Variants in ACTA2 observed in about 807,000 individuals in gnomAD.
The protein encoded by ACTA2 is actin, aortic smooth muscle.
A neutral mutation model predicts 39.5 loss-of-function variants in ACTA2; 12 were observed. That is an observed-to-expected ratio of 0.30 (90% CI 0.19 to 0.49). The LOEUF (loss-of-function observed/expected upper bound fraction) is 0.49. ACTA2 is among the 20% of genes least tolerant of loss of function. ACTA2 has a pLI of 0.99. For synonymous variants in ACTA2, 158 were observed against 180.6 expected, an observed-to-expected ratio of 0.88 and a Z score of 1.00; for missense variants, 236 against 498.8, an observed-to-expected ratio of 0.47 and a Z score of 5.02.
intron 6 of ACTA2, chr10:88,939,907 G>A (rs1024419609): frequency 6.0e-5 from 36 of 600,050 alleles, no homozygotes; most frequent in Middle Eastern, 4.4e-4. Context: ...CTCATGCATA[G>A]TAGGCCCTCA....
chr10:88,982,692 ATTTATGTAGT>A (rs1846741108), intron 1 of ACTA2, among the ~76,000 whole-genome samples: 2 of 152,170 alleles, frequency 1.3e-5, no homozygotes, highest in Non-Finnish European at 2.9e-5. Context: ...AGGAAAATGT[ATTTATGTAGT>A]CAAGTAAGAC....
At chr10:88,972,581 C>T (rs923019593) in intron 1 of ACTA2, among the ~76,000 whole-genome samples, 32 of 151,248 alleles carry the variant, frequency 2.1e-4, no homozygotes, top group African/African-American at 7.8e-4. Flanking sequence ...TGTAATTTAT[C>T]TATTAGCTTT....
Position 88,990,958 on chromosome 10 carries a change from T to A in ACTA2, c.-43A>T. ...GCTTACCCCGTCTTAGTCCCGGGGA[T>A]AGGCAAAGTGGGGCGGGCGCGGGAC... On this transcript the variant is annotated 5_prime_UTR_variant, in exon 1 of 5. Transcript: ENST00000415557. The surrounding 1 kb of genome is among the most constrained non-coding windows in gnomAD (Gnocchi z 4.9). 1 of 1,612,964 alleles carries A rather than the reference T, an allele frequency of 6.2e-7. No individual in the cohort carries two copies. The highest frequency in any genetic ancestry group is 8.5e-7 in the Non-Finnish European group (1 of 1,179,020).
chr10:88,971,387 T>C (rs968222681), intron 1 of ACTA2, among the ~76,000 whole-genome samples: 8 of 152,228 alleles, frequency 5.3e-5, no homozygotes, highest in African/African-American at 1.9e-4. Context: ...AGGGTGCCAA[T>C]GGCATGGAGC....
At chr10:88,972,824 C>T (rs1846479576) in intron 1 of ACTA2, among the ~76,000 whole-genome samples, 2 of 152,104 alleles carry the variant, frequency 1.3e-5, no homozygotes, top group African/African-American at 2.4e-5. Flanking sequence ...CAAAGTGAGA[C>T]CCCATTTATC....
At chr10:88,967,958 G>A (rs1846350018) in intron 1 of ACTA2, among the ~76,000 whole-genome samples, 1 of 151,980 alleles carries the variant, frequency 6.6e-6, no homozygotes, top group Admixed American at 6.6e-5. Context: ...TCAAGTTTAT[G>A]GCTTATCCAG....
At chr10:88,941,719 A>G in intron 5 of ACTA2, 66 bp downstream of exon 5, 1 of 1,426,726 alleles carries the variant, frequency 7.0e-7, no homozygotes, top group South Asian at 1.2e-5. Flanking sequence ...CCACGTGTTA[A>G]CGACCATTCA....
chr10:88,979,267 A>G (rs941192264), intron 1 of ACTA2, among the ~76,000 whole-genome samples: 4 of 142,596 alleles, frequency 2.8e-5, no homozygotes, highest in African/African-American at 1.0e-4. Flanking sequence ...AAAAAAGCAG[A>G]AAAAAAAAAA....
chr10:88,942,779 C>T (rs1283024588), intron 4 of ACTA2, among the ~76,000 whole-genome samples: 1 of 151,376 alleles, frequency 6.6e-6, no homozygotes, highest in Non-Finnish European at 1.5e-5. Flanking sequence ...CTGACAGGAA[C>T]AATAATTCAT....
At chr10:88,977,631 A>C (rs1206980416) in intron 1 of ACTA2, among the ~76,000 whole-genome samples, 2 of 151,852 alleles carry the variant, frequency 1.3e-5, no homozygotes, top group Admixed American at 1.3e-4. Context: ...TTATGCAGCC[A>C]AAAAACACAT....
At chr10:88,977,514 A>C (rs189260064) in intron 1 of ACTA2, among the ~76,000 whole-genome samples, 3,803 of 152,306 alleles carry the variant, frequency 0.025, 89 homozygotes, top group South Asian at 0.12. Context: ...CAAAGGGCTA[A>C]TATCCAGAAT....
At chr10:88,957,012 A>G (rs1846148357), upstream of ACTA2, among the ~76,000 whole-genome samples, 2 of 152,174 alleles carry the variant, frequency 1.3e-5, no homozygotes, top group African/African-American at 2.4e-5. Flanking sequence ...ATTAGGCCTC[A>G]TCTCTCAACA....
chr10:88,944,002 A>C (rs966021737), intron 3 of ACTA2, 95 bp from the exon 4 acceptor site: 1 of 1,063,790 alleles, frequency 9.4e-7, no homozygotes, highest in Non-Finnish European at 1.4e-6. Flanking sequence ...TGAAACCAAG[A>C]CCAAAGGAAA....
chr10:88,985,863 C>T (rs1450188591), intron 1 of ACTA2, among the ~76,000 whole-genome samples: 2 of 152,196 alleles, frequency 1.3e-5, no homozygotes, highest in African/African-American at 4.8e-5. Context: ...TGCCTTAAGC[C>T]AACCTTTCCA....
At chr10:88,970,712 C>T (rs972964118) in intron 1 of ACTA2, among the ~76,000 whole-genome samples, 16 of 151,970 alleles carry the variant, frequency 1.1e-4, no homozygotes, top group African/African-American at 3.4e-4. Context: ...CACACCGGGG[C>T]CTGTTGTGGG....
chr10:88,979,266 GA>G (rs377193003), intron 1 of ACTA2, among the ~76,000 whole-genome samples: 2,622 of 146,072 alleles, frequency 0.018, 23 homozygotes, highest in East Asian at 0.067. Context: ...CAAAAAAGCA[GA>G]AAAAAAAAAA....
chr10:88,954,063 A>G (rs1846094487), upstream of ACTA2, among the ~76,000 whole-genome samples: 2 of 152,088 alleles, frequency 1.3e-5, no homozygotes, highest in African/African-American at 4.8e-5. Context: ...GTGATTTTAT[A>G]TTTGTCTACT....
At chr10:88,982,342 G>T (rs2133351016) in intron 1 of ACTA2, among the ~76,000 whole-genome samples, 1 of 152,272 alleles carries the variant, frequency 6.6e-6, no homozygotes, top group Middle Eastern at 3.4e-3. Context: ...ATTAAAAGTT[G>T]CATGTGTATG....
intron 1 of ACTA2, among the ~76,000 whole-genome samples, chr10:88,985,667 T>G (rs527705311): frequency 6.6e-6 from 1 of 152,200 alleles, no homozygotes; most frequent in East Asian, 1.9e-4. Context: ...TCCCACTCCC[T>G]GGCACTAGAT....
Sources: allele counts gnomAD v4.1 joint callset (sites outside exome capture counted in the v4.1 genomes callset), GRCh38; gene constraint gnomAD v4.1.1; non-coding constraint Gnocchi (gnomAD v3.1); transcripts MANE v1.5; gene names NCBI Gene and HGNC (gene_info 2026-07-23, HGNC 2026-07-21).